The following SPIN3 variants were observed in gnomAD, a reference collection of about 807,000 sequenced individuals.
SPIN3 encodes the protein spindlin family member 3, also known as spindlin-3.
For synonymous variants in SPIN3, 74 were observed against 74.3 expected (o/e 1.00, Z 0.02); for missense variants, 176 against 196.4 (o/e 0.90, Z 0.62).
chrX:56,994,610 C>A lies in SPIN3; in HGVS notation c.338G>T (p.Arg113Ile). The A allele has an allele frequency of 8.3e-7, 1 of 1,211,678 alleles. No homozygotes were observed. Among genetic ancestry groups the A allele is most frequent in the Non-Finnish European group, 1.1e-6 (1 of 895,495 alleles). The change falls in exon 2 of 2, where the codon AGA becomes ATA. Residue 113 changes from arginine to isoleucine, a missense_variant. Transcript: ENST00000374919. ...RVSSLEVLPN[R>I]VASSRISDTH... Reference sequence around the variant, plus strand: ...ATCACTGATTCTAGATGATGCAACTCTATTAGGAAGGACTTCAAGTGATGA... The same window carrying A: ...ATCACTGATTCTAGATGATGCAACTATATTAGGAAGGACTTCAAGTGATGA...
At position 56,994,309 on chromosome X, in the gene SPIN3, C is replaced by T. The variant is rs1438663706; in HGVS notation, c.639G>A (p.Gln213=). Residue 213 remains glutamine (Q), a synonymous_variant, in exon 2 of 2, where the codon CAG becomes CAA. Coordinates refer to ENST00000374919, the MANE Select transcript of SPIN3 (RefSeq NM_001010862.3). The part of the protein sequence containing the change: ...GEVIDSLVGK[Q]VEYAKDDGSK... Reference sequence around the variant, plus strand: ...AGCCATCGTCTTTGGCGTATTCCACCTGTTTGCCTACCAGGCTGTCTATGA... The same window carrying T: ...AGCCATCGTCTTTGGCGTATTCCACTTGTTTGCCTACCAGGCTGTCTATGA... 1.7e-6 allele frequency: 2 copies of T among 1,210,354 alleles called. No homozygotes were observed. The highest frequency in any genetic ancestry group is 2.2e-5 in the Admixed American group (1 of 45,857).
At chrX:56,979,562 A>G (rs978313133) in intron 3 of SPIN3, 2 of 112,273 alleles carry the variant, frequency 1.8e-5, no homozygotes, top group East Asian at 2.8e-4. Flanking sequence ...GCTGCAAAAT[A>G]TAACTGAATA....
intron 5 of SPIN3, chrX:56,977,379 G>A (rs1306868992): frequency 9.0e-6 from 1 of 111,101 alleles, no homozygotes; most frequent in Non-Finnish European, 1.9e-5. Flanking sequence ...TTCACACAAT[G>A]GAATACTATA....
At position 56,993,863 on chromosome X, in the gene SPIN3, G is replaced by A; in HGVS notation, c.*308C>T. The stretch of plus-strand genomic sequence containing the variant: ...GAGTCCAAGTGCCAAAAAGAGTGAG[G>A]TGAGAGGTGTTCAGCTACCTTTAAT... On this transcript the variant is annotated 3_prime_UTR_variant, in exon 2 of 2. Transcript: ENST00000374919. 1 of 189,655 alleles carries A rather than the reference G, an allele frequency of 5.3e-6. No individual in the cohort carries two copies. Among genetic ancestry groups the A allele is most frequent in the Non-Finnish European group, 9.6e-6 (1 of 103,774 alleles). The allele number at this position is 189,655 out of a possible 1,213,427, so 15.6% of individuals were successfully genotyped here.
Position 56,994,247 on chromosome X carries a change from G to T in SPIN3, c.701C>A (p.Ala234Glu). ...TTTGATGAAGTACACAGAGGGTTTT[G>T]CTTCTACCTGATGAATGACCATGCC... ...RTGMVIHQVE[A>E]KPSVYFIKFD... The change falls in exon 2 of 2, where the codon GCA (alanine) becomes GAA (glutamate). Residue 234 changes from alanine (A) to glutamate (E), a missense_variant. Coordinates refer to ENST00000374919, the MANE Select transcript of SPIN3 (RefSeq NM_001010862.3). 1 of 1,211,458 alleles carries T rather than the reference G, an allele frequency of 8.3e-7. No homozygotes were observed. Among genetic ancestry groups the T allele is most frequent in the Non-Finnish European group, 1.1e-6 (1 of 895,401 alleles).
chrX:56,994,454 G>A lies in SPIN3; in HGVS notation c.494C>T (p.Thr165Ile). The A allele has an allele frequency of 8.3e-7, 1 of 1,211,507 alleles. No homozygotes were observed. The highest frequency in any genetic ancestry group is 1.1e-6 in the Non-Finnish European group (1 of 895,478). ...APVMNTWFYI[T>I]YEKDPVLYMY... ...ATATAATACAGGATCTTTCTCATAG[G>A]TAATGTAAAACCATGTGTTCATGAC... Residue 165 changes from threonine (T) to isoleucine (I), a missense_variant, in exon 2 of 2, where the codon ACC (threonine) becomes ATC (isoleucine). Physicochemically the swap from Thr to Ile is moderately conservative, Grantham distance 89. Transcript: ENST00000374919.
At chrX:56,975,799 C>T (rs1221096383), downstream of SPIN3, 1 of 111,374 alleles carries the variant, frequency 9.0e-6, no homozygotes, top group East Asian at 2.8e-4. Flanking sequence ...TAAGCCATTT[C>T]CTGTGGAATT....
At chrX:56,978,858 G>C (rs1418630815) in intron 3 of SPIN3, 2 of 111,764 alleles carry the variant, frequency 1.8e-5, no homozygotes, top group Non-Finnish European at 3.8e-5. Context: ...ACAGGACTCA[G>C]TGAGGTAAAT....
At chrX:56,979,191 C>A (rs745824415) in intron 3 of SPIN3, 2 of 111,300 alleles carry the variant, frequency 1.8e-5, no homozygotes, top group South Asian at 7.7e-4. Context: ...ATAGTGTAAT[C>A]TGGCAAACAT....
intron 5 of SPIN3, chrX:56,978,053 T>C (rs1924042034): frequency 8.9e-6 from 1 of 112,197 alleles, no homozygotes; most frequent in Admixed American, 9.5e-5. Flanking sequence ...CCAGAGTTTA[T>C]GATCATTTGA....
Position 56,992,513 on chromosome X carries a change from TTC to T in SPIN3, c.*1656_*1657del, listed in dbSNP as rs1924370365. ...AAAACATAGGAGAAAAGAGAACATC[TTC>T]TTTGTTTCATCCTCAGCAGGATGCC... On this transcript the variant is annotated 3_prime_UTR_variant, in exon 2 of 2. Coordinates refer to ENST00000374919, the MANE Select transcript of SPIN3 (RefSeq NM_001010862.3). The T allele has an allele frequency of 3.4e-6, 1 of 295,552 alleles. No homozygotes were observed. The allele number at this position is 295,552 out of a possible 1,213,427, so 24.4% of individuals were successfully genotyped here.
Position 56,984,568 on chromosome X carries a change from G to C in SPIN3, c.226-90C>G, listed in dbSNP as rs138063332. 6.2e-4 allele frequency: 195 copies of C among 315,755 alleles called. 1 individual carries two copies. Among genetic ancestry groups the C allele is most frequent in the African/African-American group, 5.1e-3 (183 of 36,032 alleles). The allele number at this position is 315,755 out of a possible 1,213,427, so 26.0% of individuals were successfully genotyped here. ...TTGTCACAAAGAGATTTATGGGAAG[G>C]AGGAAGGCCAAAAAGGACTTCCAAG... On this transcript the variant is annotated intron_variant and NMD_transcript_variant, in intron 2 of 5. Transcript: ENST00000475785.
chrX:56,987,654 T>C (rs893800220), downstream of SPIN3, among the ~76,000 whole-genome samples: 1 of 112,013 alleles, frequency 8.9e-6, no homozygotes, highest in Non-Finnish European at 1.9e-5. Context: ...GCTGAATGAA[T>C]GAATGAATGA....
chrX:56,978,818 A>T (rs753151372), intron 3 of SPIN3: 1 of 111,384 alleles, frequency 9.0e-6, no homozygotes, highest in South Asian at 3.8e-4. Context: ...AAATGGTGAA[A>T]CCCTTTTAAT....
chrX:56,975,524 G>A (rs1377808880), downstream of SPIN3: 1 of 111,078 alleles, frequency 9.0e-6, no homozygotes, highest in African/African-American at 3.3e-5. Flanking sequence ...TGTTAATGTT[G>A]GAGGGTATAA....
chrX:56,995,005 A>G (rs1924459089), intron 1 of SPIN3, 56 bp from the exon 2 acceptor site: 11 of 1,079,855 alleles, frequency 1.0e-5, no homozygotes, highest in African/African-American at 1.9e-5. Context: ...AACAAAATCA[A>G]TGCATAACAC....
At chrX:56,984,590 C>G in intron 2 of SPIN3, 1 of 307,585 alleles carries the variant, frequency 3.3e-6, no homozygotes. Flanking sequence ...AAAGGACTTC[C>G]AAGACATCAC....
At chrX:56,988,220 G>A (rs1924261248), downstream of SPIN3, among the ~76,000 whole-genome samples, 1 of 111,235 alleles carries the variant, frequency 9.0e-6, no homozygotes, top group East Asian at 2.8e-4. Context: ...TTGTTGAAAT[G>A]GGCCTACTTG....
chrX:56,981,569 A>G (rs1277211703), intron 3 of SPIN3: 1 of 111,051 alleles, frequency 9.0e-6, no homozygotes, highest in Admixed American at 9.6e-5. Flanking sequence ...TAAACTACCA[A>G]TGGATAAAAA....
Sources: allele counts gnomAD v4.1 joint callset (sites outside exome capture counted in the v4.1 genomes callset), GRCh38; gene constraint gnomAD v4.1.1; transcripts MANE v1.5; gene names NCBI Gene and HGNC (gene_info 2026-07-23, HGNC 2026-07-21).